Variants in HS3ST5 observed in about 807,000 individuals in gnomAD.
HS3ST5 encodes the protein heparan sulfate glucosamine 3-O-sulfotransferase 5.
Under a neutral mutation model 25.4 loss-of-function variants are expected in HS3ST5, and 10 were observed. The ratio of observed to expected loss-of-function variants is 0.39; its 90% CI spans 0.24 to 0.67. The LOEUF is 0.67. Ranked by LOEUF, HS3ST5 falls within the 30% of genes least tolerant of loss-of-function variation. HS3ST5 has a pLI of 0.44. For synonymous variants in HS3ST5, 170 were observed against 162.4 expected (o/e 1.05, Z -0.36); for missense variants, 324 against 420.7 (o/e 0.77, Z 2.01).
intron 2 of HS3ST5, among the ~76,000 whole-genome samples, chr6:114,228,108 C>T (rs773374364): frequency 1.3e-5 from 2 of 152,130 alleles, no homozygotes; most frequent in African/African-American, 4.8e-5. Flanking sequence ...TTGAATGTCA[C>T]TTTCAGTGTT....
intron 1 of HS3ST5, among the ~76,000 whole-genome samples, chr6:114,313,513 A>C (rs1775623268): frequency 6.6e-6 from 1 of 152,240 alleles, no homozygotes; most frequent in Non-Finnish European, 1.5e-5. Flanking sequence ...AATAAAAAGA[A>C]ATGAAGTAAT....
chr6:114,202,286 A>G (rs1318416738), intron 2 of HS3ST5, among the ~76,000 whole-genome samples: 1 of 152,044 alleles, frequency 6.6e-6, no homozygotes, highest in African/African-American at 2.4e-5. Flanking sequence ...CTGCAACCCC[A>G]TTCTCCAATC....
intron 1 of HS3ST5, among the ~76,000 whole-genome samples, chr6:114,266,307 G>A (rs901444184): frequency 8.5e-5 from 13 of 152,218 alleles, no homozygotes; most frequent in Admixed American, 2.0e-4. Context: ...CCCTGAATTT[G>A]ACTAAGAGAA....
At position 114,299,515 on chromosome 6, in the gene HS3ST5, G is replaced by A. The variant is rs182504555; in HGVS notation, c.-339+42680C>T. On this transcript the variant is annotated intron_variant, in intron 1 of 4. Coordinates refer to ENST00000312719, the MANE Select transcript of HS3ST5 (RefSeq NM_153612.4). ...CCTAATAAAAACTTGCTGGTTTTAC[G>A]GCTCCTGGGGCATCACGGAACCTAC... Among the ~76,000 whole-genome samples the A allele has an allele frequency of 5.3e-5, 8 of 152,080 alleles. No individual in the cohort carries two copies. In the South Asian group the frequency reaches 8.3e-4, roughly 16 times the overall value.
chr6:114,298,341 T>C (rs1416977890), intron 1 of HS3ST5, among the ~76,000 whole-genome samples: 1 of 152,214 alleles, frequency 6.6e-6, no homozygotes, highest in Admixed American at 6.5e-5. Context: ...TTTTGGCCAA[T>C]TTTCCACAGA....
intron 2 of HS3ST5, among the ~76,000 whole-genome samples, chr6:114,211,614 G>C (rs1781512127): frequency 6.6e-6 from 1 of 152,034 alleles, no homozygotes; most frequent in Admixed American, 6.5e-5. Flanking sequence ...TTAATATAAA[G>C]ACTCCATTTA....
chr6:114,164,278 T>C (rs1779106984), intron 3 of HS3ST5, among the ~76,000 whole-genome samples: 1 of 152,184 alleles, frequency 6.6e-6, no homozygotes, highest in Non-Finnish European at 1.5e-5. Flanking sequence ...CCTTTGAAAC[T>C]GAGGACTATA....
intron 1 of HS3ST5, among the ~76,000 whole-genome samples, chr6:114,237,493 G>T (rs1030019766): frequency 6.6e-6 from 1 of 152,108 alleles, no homozygotes; most frequent in East Asian, 1.9e-4. Flanking sequence ...TTTAAAGTTT[G>T]GCTGCACTTT....
intron 3 of HS3ST5, chr6:114,084,057 C>T (rs1179701975): frequency 1.6e-5 from 9 of 569,812 alleles, no homozygotes; most frequent in African/African-American, 1.2e-4. Flanking sequence ...TTTTTATGGT[C>T]TCAGGTTCCC....
chr6:114,098,403 G>T (rs1300084406), intron 3 of HS3ST5, among the ~76,000 whole-genome samples: 1 of 150,336 alleles, frequency 6.7e-6, no homozygotes, highest in Non-Finnish European at 1.5e-5. Context: ...AACAAATAAT[G>T]TATTAATATT....
chr6:114,108,957 G>T (rs1776123967), intron 3 of HS3ST5, among the ~76,000 whole-genome samples: 1 of 152,164 alleles, frequency 6.6e-6, no homozygotes, highest in South Asian at 2.1e-4. Flanking sequence ...GAGCTCAGGA[G>T]TTGGAGACCA....
intron 3 of HS3ST5, among the ~76,000 whole-genome samples, chr6:114,144,595 A>G (rs1778064353): frequency 6.6e-6 from 1 of 152,232 alleles, no homozygotes; most frequent in South Asian, 2.1e-4. Flanking sequence ...TCTACAGGAC[A>G]TAAGCAGAAA....
intron 2 of HS3ST5, among the ~76,000 whole-genome samples, chr6:114,207,538 T>C (rs1013838698): frequency 6.6e-5 from 10 of 152,280 alleles, no homozygotes; most frequent in African/African-American, 2.4e-4. Context: ...TGAAGAAGGC[T>C]CATCCCTACT....
At chr6:114,178,873 TA>T (rs34618608) in intron 2 of HS3ST5, among the ~76,000 whole-genome samples, 32,473 of 146,222 alleles carry the variant, frequency 0.22, 3,504 homozygotes, top group East Asian at 0.25. Context: ...TTGAGGGGGT[TA>T]AAAAAAAAAA....
intron 2 of HS3ST5, among the ~76,000 whole-genome samples, chr6:114,190,677 T>G (rs1780458774): frequency 6.6e-6 from 1 of 152,192 alleles, no homozygotes; most frequent in South Asian, 2.1e-4. Flanking sequence ...CTTATGTGAA[T>G]AAGTTTCAAC....
chr6:114,087,628 G>C (rs1774905801), intron 3 of HS3ST5, among the ~76,000 whole-genome samples: 1 of 152,170 alleles, frequency 6.6e-6, no homozygotes, highest in African/African-American at 2.4e-5. Flanking sequence ...GTGCAAAAAA[G>C]AGTTCTATGC....
At chr6:114,284,899 C>G (rs1774271877) in intron 1 of HS3ST5, among the ~76,000 whole-genome samples, 1 of 151,824 alleles carries the variant, frequency 6.6e-6, no homozygotes, top group South Asian at 2.1e-4. Flanking sequence ...AGAAAATATC[C>G]ATCACACTAA....
chr6:114,128,589 A>T (rs1777163013), intron 3 of HS3ST5, among the ~76,000 whole-genome samples: 2 of 152,178 alleles, frequency 1.3e-5, no homozygotes, highest in African/African-American at 4.8e-5. Flanking sequence ...AATAAACACT[A>T]CTCAATAGGC....
intron 3 of HS3ST5, among the ~76,000 whole-genome samples, chr6:114,082,363 C>T (rs1774500837): frequency 6.6e-6 from 1 of 152,198 alleles, no homozygotes; most frequent in East Asian, 1.9e-4. Context: ...AAAAATTAAT[C>T]TGACTTTCTT....
Sources: gnomAD v4.1 joint callset for allele counts (sites outside exome capture counted in the v4.1 genomes callset) on GRCh38, gnomAD v4.1.1 for gene constraint, MANE v1.5 for transcripts, NCBI Gene and HGNC (gene_info 2026-07-23, HGNC 2026-07-21) for gene names.